The following CCDC175 variants were observed in gnomAD, a reference collection of about 807,000 sequenced individuals.
The protein encoded by CCDC175 is coiled-coil domain containing 175.
CCDC175 carries 100 observed loss-of-function variants against 114.6 expected under a neutral mutation model. That is an observed-to-expected ratio of 0.87 (90% confidence interval 0.74 to 1.03). The LOEUF (loss-of-function observed/expected upper bound fraction) is 1.03, where lower values mean the gene tolerates loss of function less well. CCDC175 is among the 50% of genes least tolerant of loss of function. The pLI is 0.00. For synonymous variants in CCDC175, 306 were observed against 308.7 expected (o/e 0.99, Z 0.09); for missense variants, 880 against 917.8 (o/e 0.96, Z 0.53).
At chr14:59,553,650 A>G (rs1440720093) in intron 7 of CCDC175, among the ~76,000 whole-genome samples, 4 of 152,248 alleles carry the variant, frequency 2.6e-5, no homozygotes. Flanking sequence ...AAATGCTCCA[A>G]TTAAAAGACA....
At chr14:59,549,406 A>G (rs1895317797) in intron 8 of CCDC175, among the ~76,000 whole-genome samples, 1 of 152,204 alleles carries the variant, frequency 6.6e-6, no homozygotes, top group Non-Finnish European at 1.5e-5. Context: ...TCAGCTATTC[A>G]GCAGGCTGCA....
intron 7 of CCDC175, among the ~76,000 whole-genome samples, chr14:59,552,571 C>T (rs1447571887): frequency 6.6e-6 from 1 of 152,194 alleles, no homozygotes; most frequent in Admixed American, 6.5e-5. Context: ...CTCCCCCCCT[C>T]CAAAAGAACA....
chr14:59,515,452 A>C (rs1002232900), intron 17 of CCDC175, among the ~76,000 whole-genome samples: 7 of 152,244 alleles, frequency 4.6e-5, no homozygotes, highest in African/African-American at 1.7e-4. Flanking sequence ...TATAGGCTCA[A>C]AATAAAGGGA....
At chr14:59,560,106 TG>T (rs1337510680) in intron 7 of CCDC175, among the ~76,000 whole-genome samples, 1 of 152,122 alleles carries the variant, frequency 6.6e-6, no homozygotes, top group Non-Finnish European at 1.5e-5. Context: ...TGGTATTAAT[TG>T]AGCTTTCTTA....
intron 13 of CCDC175, among the ~76,000 whole-genome samples, chr14:59,537,002 T>A (rs1371470650): frequency 6.6e-6 from 1 of 152,116 alleles, no homozygotes; most frequent in East Asian, 1.9e-4. Context: ...AGGCTGATCT[T>A]GAACTCCTGA....
chr14:59,570,629 T>C (rs1566640467), intron 3 of CCDC175, among the ~76,000 whole-genome samples: 2 of 152,184 alleles, frequency 1.3e-5, no homozygotes, highest in South Asian at 4.1e-4. Flanking sequence ...GGAGTTGTTC[T>C]ACATTGAGGC....
chr14:59,540,486 T>C (rs1374345909), intron 11 of CCDC175, among the ~76,000 whole-genome samples, 189 bp downstream of exon 11: 2 of 113,516 alleles, frequency 1.8e-5, no homozygotes, highest in African/African-American at 2.9e-5. Flanking sequence ...TTGATTCTGT[T>C]CAATGCCAAA....
intron 1 of CCDC175, among the ~76,000 whole-genome samples, chr14:59,575,956 T>C (rs1432692381): frequency 6.6e-6 from 1 of 152,220 alleles, no homozygotes; most frequent in African/African-American, 2.4e-5. Flanking sequence ...AGAAATGGGA[T>C]GATTCTAGTG....
chr14:59,509,310 G>T (rs959723478), intron 19 of CCDC175, among the ~76,000 whole-genome samples: 1 of 152,070 alleles, frequency 6.6e-6, no homozygotes, highest in Admixed American at 6.5e-5. Context: ...GCCCACAAAG[G>T]ATCCTTTATG....
At chr14:59,508,260 C>T (rs1470040442) in intron 19 of CCDC175, among the ~76,000 whole-genome samples, 3 of 151,914 alleles carry the variant, frequency 2.0e-5, no homozygotes, top group Non-Finnish European at 4.4e-5. Context: ...TTCCCGCGTT[C>T]GCCCCGCTTT....
intron 17 of CCDC175, among the ~76,000 whole-genome samples, chr14:59,512,173 C>T (rs558238104): frequency 6.6e-6 from 1 of 152,202 alleles, no homozygotes; most frequent in Non-Finnish European, 1.5e-5. Context: ...CAAACTGAAT[C>T]CAGCAATAGA....
intron 17 of CCDC175, among the ~76,000 whole-genome samples, chr14:59,514,894 A>G (rs1403173880): frequency 6.6e-6 from 1 of 152,186 alleles, no homozygotes; most frequent in African/African-American, 2.4e-5. Flanking sequence ...ATGAAGGAAA[A>G]AATGTTAAGG....
At chr14:59,538,682 C>T in intron 12 of CCDC175, 23 bp downstream of exon 12, 1 of 1,517,560 alleles carries the variant, frequency 6.6e-7, no homozygotes, top group Non-Finnish European at 8.8e-7. Context: ...GGGACTAATT[C>T]TAAGTTCTTT....
intron 19 of CCDC175, 22 bp from the exon 20 acceptor site, chr14:59,505,337 A>G (rs1892280931): frequency 7.4e-7 from 1 of 1,353,580 alleles, no homozygotes; most frequent in East Asian, 2.5e-5. Context: ...AAAAATAAAT[A>G]TAAAAATTTT....
In CCDC175 at chr14:59,521,607, T is replaced by G; in HGVS notation, c.2065A>C (p.Ser689Arg). The G allele has an allele frequency of 6.5e-7, 1 of 1,535,250 alleles. No homozygotes were observed. The highest frequency in any genetic ancestry group is 1.2e-5 in the South Asian group (1 of 83,974). Reference sequence around the variant, plus strand: ...GCTATTAGTTGCCGAGACAAGTCGCTTGAGGTGTGCATGAGGGCTTCTTGT... The same window carrying G: ...GCTATTAGTTGCCGAGACAAGTCGCGTGAGGTGTGCATGAGGGCTTCTTGT... ...EGQEALMHTS[S>R]DLSRQLIAQE... The change falls in exon 17 of 20, where the codon AGC (serine) becomes CGC (arginine). Residue 689 changes from serine (S) to arginine (R), a missense_variant. Coordinates refer to ENST00000537690, the MANE Select transcript of CCDC175 (RefSeq NM_001164399.2).
chr14:59,530,988 GA>G (rs1894037576), intron 14 of CCDC175, among the ~76,000 whole-genome samples: 1 of 151,938 alleles, frequency 6.6e-6, no homozygotes, highest in Non-Finnish European at 1.5e-5. Flanking sequence ...TGCAATACAA[GA>G]CTCAAAACCC....
At chr14:59,528,733 C>T (rs1782184208) in intron 14 of CCDC175, among the ~76,000 whole-genome samples, 1 of 151,640 alleles carries the variant, frequency 6.6e-6, no homozygotes. Context: ...AATTTTCTTG[C>T]CTTTCTCTCC....
chr14:59,532,473 C>A lies in CCDC175; in HGVS notation c.1624-563G>T, dbSNP rs150396225. Among the ~76,000 whole-genome samples the A allele has an allele frequency of 6.6e-5, 10 of 152,326 alleles. No individual in the cohort carries two copies. In the East Asian group the frequency reaches 1.9e-3, roughly 29 times the overall value. On this transcript the variant is annotated intron_variant, in intron 13 of 19. Coordinates refer to ENST00000537690, the MANE Select transcript of CCDC175 (RefSeq NM_001164399.2). The stretch of plus-strand genomic sequence containing the variant: ...AATCAGGATGGATTTTAAATGGTGA[C>A]TAAGGCAGAGACCACCAGCTGACAT...
intron 3 of CCDC175, among the ~76,000 whole-genome samples, chr14:59,572,055 C>CA (rs57092645): frequency 0.019 from 2,800 of 149,844 alleles, 65 homozygotes; most frequent in African/African-American, 0.057. Flanking sequence ...ATTCCAAATT[C>CA]AAAAAAAAAA....
Sources: allele counts gnomAD v4.1 joint callset (sites outside exome capture counted in the v4.1 genomes callset), GRCh38; gene constraint gnomAD v4.1.1; transcripts MANE v1.5; gene names NCBI Gene and HGNC (gene_info 2026-07-23, HGNC 2026-07-21).